MAPK4: variants seen among roughly 807,000 people sequenced by gnomAD.
The protein encoded by MAPK4 is mitogen-activated protein kinase 4, also known as Erk3-related.
MAPK4 carries 22 observed loss-of-function variants against 47.7 expected under a neutral mutation model. The observed-to-expected ratio is 0.46, with a 90% CI of 0.33 to 0.66. MAPK4 has a LOEUF of 0.66. Ranked by LOEUF, MAPK4 falls within the 30% of genes least tolerant of loss-of-function variation. MAPK4 has a pLI of 0.02. For missense variants in MAPK4, 736 were observed against 831.7 expected, an observed-to-expected ratio of 0.88 and a Z score of 1.42; for synonymous variants, 390 against 365.7, an observed-to-expected ratio of 1.07 and a Z score of -0.76.
At chr18:50,624,740 G>A (rs1476333923) in intron 1 of MAPK4, among the ~76,000 whole-genome samples, 1 of 151,704 alleles carries the variant, frequency 6.6e-6, no homozygotes, top group African/African-American at 2.4e-5. Flanking sequence ...TGATGGTGAT[G>A]GTGTCATTGG....
At chr18:50,618,602 A>G (rs1341230280) in intron 1 of MAPK4, among the ~76,000 whole-genome samples, 1 of 152,032 alleles carries the variant, frequency 6.6e-6, no homozygotes, top group Non-Finnish European at 1.5e-5. Context: ...TGCATCTTTT[A>G]TTTGTCTTTA....
rs56328353 is a variant in MAPK4, at chr18:50,664,144, G to T, written c.186G>T (p.Ala62=). The T allele has an allele frequency of 6.2e-7, 1 of 1,614,122 alleles. No homozygotes were observed. The highest frequency in any genetic ancestry group is 8.5e-7 in the Non-Finnish European group (1 of 1,180,032). Residue 62 remains alanine, a synonymous_variant, in exon 2 of 6, where the codon GCG becomes GCT. Transcript: ENST00000400384. This position sits in a 1 kb window ranked among gnomAD's most constrained non-coding sequence, Gnocchi z 6.0. ...ALSDARSMKH[A]LREIKIIRRL... ...GCGATGCCCGCAGCATGAAGCACGC[G>T]CTCCGAGAGATCAAGATCATTCGGC...
chr18:50,643,839 C>T (rs371480547), intron 1 of MAPK4, among the ~76,000 whole-genome samples: 1 of 152,218 alleles, frequency 6.6e-6, no homozygotes, highest in Non-Finnish European at 1.5e-5. Flanking sequence ...CTGCCCCCTG[C>T]ACCTACCCTC....
At chr18:50,682,527 C>T (rs1367260508) in intron 2 of MAPK4, among the ~76,000 whole-genome samples, 1 of 151,966 alleles carries the variant, frequency 6.6e-6, no homozygotes, top group Admixed American at 6.6e-5. Flanking sequence ...AATATTGATG[C>T]AAAAATTCTA....
At position 50,667,388 on chromosome 18, in the gene MAPK4, GT is replaced by G. The variant is rs754107202; in HGVS notation, c.546+2886del. On this transcript the variant is annotated intron_variant, in intron 2 of 5. Transcript: ENST00000400384. ...CACATTGCAGAAAGGGAGCTGTTGG[GT>G]TCATTGATTTTGTGTGGTTGGAAGG... Among the ~76,000 whole-genome samples the G allele has an allele frequency of 6.8e-4, 103 of 152,306 alleles. 1 individual carries two copies. The highest frequency in any genetic ancestry group is 1.2e-3 in the Non-Finnish European group (81 of 68,026).
chr18:50,596,147 A>G (rs1020077), intron 1 of MAPK4, among the ~76,000 whole-genome samples: 62,866 of 151,988 alleles, frequency 0.41, 14,045 homozygotes, highest in Non-Finnish European at 0.5. Context: ...AACTCCATGG[A>G]TAGGTGCTAT....
intron 2 of MAPK4, among the ~76,000 whole-genome samples, chr18:50,691,409 G>A (rs766225840): frequency 2.6e-5 from 4 of 151,190 alleles, no homozygotes; most frequent in African/African-American, 7.3e-5. Context: ...CCAAAGAGGT[G>A]GGAACAAGAG....
intron 2 of MAPK4, among the ~76,000 whole-genome samples, chr18:50,672,123 C>T (rs1907988696): frequency 6.6e-6 from 1 of 152,154 alleles, no homozygotes; most frequent in Non-Finnish European, 1.5e-5. Flanking sequence ...ATATTCAGGT[C>T]TCCATAGTGC....
intron 1 of MAPK4, among the ~76,000 whole-genome samples, chr18:50,620,455 G>C (rs1433133949): frequency 6.6e-6 from 1 of 152,158 alleles, no homozygotes; most frequent in East Asian, 1.9e-4. Context: ...TGTTTAATGT[G>C]TATCTTCATG....
At chr18:50,707,788 A>G (rs867841762) in intron 2 of MAPK4, among the ~76,000 whole-genome samples, 13 of 152,166 alleles carry the variant, frequency 8.5e-5, no homozygotes, top group Admixed American at 4.6e-4. Flanking sequence ...AGTGTCCAAC[A>G]AGGGCCTGCA....
chr18:50,598,253 C>T (rs959349182), intron 1 of MAPK4, among the ~76,000 whole-genome samples: 1 of 152,110 alleles, frequency 6.6e-6, no homozygotes, highest in Non-Finnish European at 1.5e-5. Flanking sequence ...CAAGAAATAG[C>T]GGCTGTCCTC....
Position 50,654,741 on chromosome 18 carries a change from G to T in MAPK4, c.-870-8348G>T, listed in dbSNP as rs898579705. ...CCTTTGTGCAGCTGGTGCTATGCCC[G>T]TGGCCACCGGCTCCCAGACTTCCCA... On this transcript the variant is annotated intron_variant, in intron 1 of 5. Transcript: ENST00000400384. 2.0e-5 allele frequency among the ~76,000 whole-genome samples: 3 copies of T among 152,280 alleles called. 1 individual carries two copies. The South Asian group carries it at 6.2e-4, about 32-fold the overall frequency.
intron 2 of MAPK4, among the ~76,000 whole-genome samples, chr18:50,684,500 C>G (rs905339316): frequency 2.0e-5 from 3 of 150,708 alleles, no homozygotes; most frequent in Admixed American, 2.0e-4. Context: ...GAGCCGTAAT[C>G]AAGCCACTAT....
chr18:50,689,404 TAAA>T (rs34978159), intron 2 of MAPK4, among the ~76,000 whole-genome samples: 2,288 of 84,832 alleles, frequency 0.027, 62 homozygotes, highest in African/African-American at 0.093. Flanking sequence ...AACTCCATCT[TAAA>T]AAAAAAAAAA....
chr18:50,709,676 TG>T, intron 2 of MAPK4, among the ~76,000 whole-genome samples: 1 of 152,226 alleles, frequency 6.6e-6, no homozygotes, highest in South Asian at 2.1e-4. Flanking sequence ...TCATTGGGGA[TG>T]GGGGAAGGCC....
Position 50,664,314 on chromosome 18 carries a change from G to A in MAPK4, c.356G>A (p.Gly119Asp), listed in dbSNP as rs906983934. 3.1e-6 allele frequency: 5 copies of A among 1,613,502 alleles called. No homozygotes were observed. Among genetic ancestry groups the A allele is most frequent in the Admixed American group, 1.7e-5 (1 of 59,994 alleles). ...ETDLARLLEQ[G>D]TLAEEHAKLF... ...GACCTGGCACGCCTGCTGGAGCAGGGCACGCTGGCAGAAGAGCATGCCAAG... is the reference window on the plus strand; with the variant it reads ...GACCTGGCACGCCTGCTGGAGCAGGACACGCTGGCAGAAGAGCATGCCAAG... Residue 119 changes from glycine (G) to aspartate (D), a missense_variant, in exon 2 of 6, where the codon GGC becomes GAC. Coordinates refer to ENST00000400384, the MANE Select transcript of MAPK4 (RefSeq NM_002747.4). This position sits in a 1 kb window ranked among gnomAD's most constrained non-coding sequence, Gnocchi z 6.0.
intron 1 of MAPK4, among the ~76,000 whole-genome samples, chr18:50,567,272 A>G (rs2042207090): frequency 1.3e-5 from 2 of 152,094 alleles, no homozygotes; most frequent in East Asian, 1.9e-4. Context: ...CTGGTGTGTG[A>G]TGTTCCCCTC....
At chr18:50,571,678 A>C (rs1173040453) in intron 1 of MAPK4, among the ~76,000 whole-genome samples, 4 of 152,216 alleles carry the variant, frequency 2.6e-5, no homozygotes, top group African/African-American at 9.7e-5. Flanking sequence ...TTCTTTTGTC[A>C]AATTTTCCAT....
chr18:50,693,557 T>C (rs1598919295), intron 2 of MAPK4, among the ~76,000 whole-genome samples: 1 of 152,322 alleles, frequency 6.6e-6, no homozygotes, highest in Middle Eastern at 3.4e-3. Flanking sequence ...TGCTGCACTA[T>C]GTGATGATCC....
Sources: gnomAD v4.1 joint callset for allele counts (sites outside exome capture counted in the v4.1 genomes callset) on GRCh38, gnomAD v4.1.1 for gene constraint, Gnocchi (gnomAD v3.1) non-coding constraint, MANE v1.5 for transcripts, NCBI Gene and HGNC (gene_info 2026-07-23, HGNC 2026-07-21) for gene names.